DGLUCY: variants seen among roughly 807,000 people sequenced by gnomAD.
DGLUCY encodes the protein D-glutamate cyclase, mitochondrial.
DGLUCY carries 58 observed loss-of-function variants against 58.5 expected under a neutral mutation model. The ratio of observed to expected loss-of-function variants is 0.99; its 90% CI spans 0.80 to 1.23. The LOEUF is 1.23. Among genes scored for constraint, DGLUCY ranks in the 50% most tolerant of loss-of-function variants. The pLI is 0.00. For synonymous variants in DGLUCY, 325 were observed against 314.1 expected, an observed-to-expected ratio of 1.03 and a Z score of -0.37; for missense variants, 779 against 784.7, an observed-to-expected ratio of 0.99 and a Z score of 0.09.
At chr14:91,142,144 C>T (rs1299915651) in intron 1 of DGLUCY, among the ~76,000 whole-genome samples, 2 of 152,156 alleles carry the variant, frequency 1.3e-5, no homozygotes, top group Admixed American at 1.3e-4. Context: ...TCGTGCCCGG[C>T]CAGAGAGGTT....
chr14:91,082,839 G>A (rs1331004344), intron 1 of DGLUCY, among the ~76,000 whole-genome samples: 7 of 151,982 alleles, frequency 4.6e-5, no homozygotes, highest in African/African-American at 1.4e-4. Context: ...CTGCAGCCTC[G>A]ACCTCCTGGG....
intron 3 of DGLUCY, among the ~76,000 whole-genome samples, chr14:91,161,004 A>G (rs753499528): frequency 5.3e-5 from 8 of 152,224 alleles, no homozygotes; most frequent in Non-Finnish European, 1.2e-4. Flanking sequence ...TTAGTTTATT[A>G]ATATGTCTGG....
intron 4 of DGLUCY, chr14:91,167,692 G>A (rs1261189039): frequency 2.9e-6 from 2 of 700,962 alleles, no homozygotes; most frequent in Non-Finnish European, 5.2e-6. Context: ...ACAGGATTAA[G>A]AAGAAAATAA....
intron 1 of DGLUCY, among the ~76,000 whole-genome samples, chr14:91,126,098 C>A (rs1697266841): frequency 6.6e-6 from 1 of 152,162 alleles, no homozygotes; most frequent in South Asian, 2.1e-4. Flanking sequence ...CTGGGGGACA[C>A]TTTTCCAATT....
At chr14:91,221,602 G>A (rs1014589760) in intron 13 of DGLUCY, among the ~76,000 whole-genome samples, 1 of 152,064 alleles carries the variant, frequency 6.6e-6, no homozygotes, top group Admixed American at 6.5e-5. Context: ...ATGCATGCAT[G>A]GATGGATGGA....
At chr14:91,149,246 T>C (rs1279821027) in intron 1 of DGLUCY, among the ~76,000 whole-genome samples, 1 of 137,734 alleles carries the variant, frequency 7.3e-6, no homozygotes, top group Non-Finnish European at 1.5e-5. Flanking sequence ...AAACTCTATC[T>C]CAAAAAAAAA....
At chr14:91,143,078 TTTTTG>T (rs1299297287) in intron 1 of DGLUCY, among the ~76,000 whole-genome samples, 2 of 151,410 alleles carry the variant, frequency 1.3e-5, no homozygotes, top group South Asian at 4.2e-4. Flanking sequence ...GGCAGTTCTT[TTTTTG>T]TTTTGTTTTG....
At chr14:91,108,331 C>T (rs2044626260) in intron 1 of DGLUCY, among the ~76,000 whole-genome samples, 1 of 151,974 alleles carries the variant, frequency 6.6e-6, no homozygotes, top group East Asian at 1.9e-4. Context: ...ATATTGGTTA[C>T]TGAGTTGTTT....
chr14:91,155,228 T>G lies in DGLUCY; in HGVS notation c.-81-2411T>G, dbSNP rs2047551304. ...TCCTGGGACGGTAAACCCCTGTGAGTGTGGGCTGTGACTGTCTTATTCACC... is the reference window on the plus strand; with the variant it reads ...TCCTGGGACGGTAAACCCCTGTGAGGGTGGGCTGTGACTGTCTTATTCACC... On this transcript the variant is annotated intron_variant, in intron 1 of 13. Transcript: ENST00000256324. Among the ~76,000 whole-genome samples, 5 of 152,146 alleles carry G rather than the reference T, an allele frequency of 3.3e-5. No homozygotes were observed. In the South Asian group the frequency reaches 1.0e-3, roughly 32 times the overall value.
chr14:91,187,958 C>T (rs2049624425), intron 8 of DGLUCY, among the ~76,000 whole-genome samples: 1 of 152,124 alleles, frequency 6.6e-6, no homozygotes, highest in African/African-American at 2.4e-5. Flanking sequence ...AGGGAATCCC[C>T]AGCTAATGGT....
chr14:91,080,394 C>T (rs117622611), intron 1 of DGLUCY, among the ~76,000 whole-genome samples: 2,574 of 152,160 alleles, frequency 0.017, 26 homozygotes, highest in Non-Finnish European at 0.02. Context: ...TTTTTTGAGA[C>T]GGAGTCTCGC....
chr14:91,069,861 A>G (rs1297414445), intron 1 of DGLUCY, among the ~76,000 whole-genome samples: 9 of 141,116 alleles, frequency 6.4e-5, no homozygotes, highest in Non-Finnish European at 6.1e-5. Context: ...GCTCACTGCA[A>G]CCTCCCCCTC....
At chr14:91,117,859 C>T (rs1008402090) in intron 1 of DGLUCY, among the ~76,000 whole-genome samples, 1 of 152,098 alleles carries the variant, frequency 6.6e-6, no homozygotes, top group African/African-American at 2.4e-5. Context: ...TTGATTCAGT[C>T]CAGAATTGAG....
intron 3 of DGLUCY, among the ~76,000 whole-genome samples, chr14:91,162,845 C>G (rs1283356127): frequency 6.6e-6 from 1 of 150,506 alleles, no homozygotes; most frequent in Admixed American, 6.6e-5. Flanking sequence ...TGCAGTGAGC[C>G]GAGATCGCAC....
At chr14:91,075,247 C>G (rs1442757555) in intron 1 of DGLUCY, among the ~76,000 whole-genome samples, 1 of 152,118 alleles carries the variant, frequency 6.6e-6, no homozygotes, top group Non-Finnish European at 1.5e-5. Context: ...TGAGGCTCAT[C>G]ATCCTCCTCC....
exon 1 of DGLUCY, chr14:91,060,658 C>T: frequency 2.1e-6 from 1 of 466,312 alleles, no homozygotes; most frequent in Non-Finnish European, 3.4e-6. Flanking sequence ...AAACCGCCCC[C>T]TGCTCCACCG....
intron 1 of DGLUCY, among the ~76,000 whole-genome samples, chr14:91,117,023 T>C (rs2045009048): frequency 6.6e-6 from 1 of 152,088 alleles, no homozygotes; most frequent in African/African-American, 2.4e-5. Flanking sequence ...CGGTTATTTA[T>C]TGATTATGTG....
chr14:91,154,888 C>T (rs1173015280), intron 1 of DGLUCY, among the ~76,000 whole-genome samples: 2 of 152,174 alleles, frequency 1.3e-5, no homozygotes, highest in Non-Finnish European at 2.9e-5. Flanking sequence ...ATGAGCCAGC[C>T]GCTGCTTTCC....
chr14:91,185,417 G>A (rs1278920759), intron 8 of DGLUCY: 1 of 150,412 alleles, frequency 6.6e-6, no homozygotes, highest in Non-Finnish European at 1.5e-5. Flanking sequence ...CGAGTACCTG[G>A]CACTACAGGT....
Sources: allele counts gnomAD v4.1 joint callset (sites outside exome capture counted in the v4.1 genomes callset), GRCh38; gene constraint gnomAD v4.1.1; transcripts MANE v1.5; gene names NCBI Gene and HGNC (gene_info 2026-07-23, HGNC 2026-07-21).